Variants in SGCZ observed in about 807,000 individuals in gnomAD.
SGCZ encodes sarcoglycan zeta.
SGCZ carries 40 observed loss-of-function variants against 41.3 expected under a neutral mutation model. The ratio of observed to expected loss-of-function variants is 0.97; its 90% CI spans 0.75 to 1.26. SGCZ has a LOEUF of 1.26. Among genes scored for constraint, SGCZ ranks in the 50% most tolerant of loss-of-function variants. The probability of loss-of-function intolerance (pLI) is 0.00; values close to 1 mark genes in which losing one functional copy is unlikely to be tolerated. For synonymous variants in SGCZ, 206 were observed against 137.5 expected (o/e 1.50, Z -3.49); for missense variants, 552 against 369.8 (o/e 1.49, Z -4.04).
intron 1 of SGCZ, among the ~76,000 whole-genome samples, chr8:14,613,427 A>G (rs1319282845): frequency 6.6e-6 from 1 of 152,194 alleles, no homozygotes; most frequent in Non-Finnish European, 1.5e-5. Flanking sequence ...CTTAGATAAA[A>G]TCTATAAATC....
At chr8:15,019,883 G>A (rs1356640780) in intron 1 of SGCZ, among the ~76,000 whole-genome samples, 2 of 149,460 alleles carry the variant, frequency 1.3e-5, no homozygotes, top group African/African-American at 5.0e-5. Context: ...ACAGTTTTCT[G>A]GGTATTCAAG....
At chr8:14,096,221 A>T (rs1801841474) in intron 7 of SGCZ, among the ~76,000 whole-genome samples, 1 of 152,104 alleles carries the variant, frequency 6.6e-6, no homozygotes, top group Non-Finnish European at 1.5e-5. Flanking sequence ...CCCATTCCTT[A>T]TGACATTTGC....
rs559465694 is a variant in SGCZ, at chr8:14,142,328, A to G, written c.547+22252T>C. Among the ~76,000 whole-genome samples, 86 of 152,278 alleles carry G rather than the reference A, an allele frequency of 5.6e-4. 1 individual carries two copies. The South Asian group carries it at 0.014, about 24-fold the overall frequency. ...ACTTAGAGTATAATAAAAATTTAAAAAAAAAGAAATATGAAAACACATACA... is the reference window on the plus strand; with the variant it reads ...ACTTAGAGTATAATAAAAATTTAAAGAAAAAGAAATATGAAAACACATACA... On this transcript the variant is annotated intron_variant, in intron 5 of 7. Transcript: ENST00000382080.
intron 3 of SGCZ, among the ~76,000 whole-genome samples, chr8:14,246,116 G>T (rs949884690): frequency 6.8e-4 from 103 of 152,160 alleles, no homozygotes; most frequent in Middle Eastern, 3.2e-3. Flanking sequence ...CAAAGGATTA[G>T]AAATCATGCT....
At chr8:15,195,080 C>A (rs1330996582) in intron 1 of SGCZ, among the ~76,000 whole-genome samples, 6 of 151,938 alleles carry the variant, frequency 3.9e-5, no homozygotes, top group Non-Finnish European at 8.8e-5. Flanking sequence ...CAGTGAGGTT[C>A]TTAAATCAAG....
chr8:14,631,139 A>C (rs1806637892), intron 1 of SGCZ, among the ~76,000 whole-genome samples: 1 of 152,084 alleles, frequency 6.6e-6, no homozygotes, highest in African/African-American at 2.4e-5. Flanking sequence ...TAAGAAGAGT[A>C]CTATTCATTG....
At chr8:15,042,210 T>G (rs1352091003) in intron 1 of SGCZ, among the ~76,000 whole-genome samples, 1 of 152,162 alleles carries the variant, frequency 6.6e-6, no homozygotes, top group East Asian at 1.9e-4. Flanking sequence ...GTCAACCATG[T>G]GTAGACCAGC....
At chr8:14,311,363 G>A (rs1207204104) in intron 3 of SGCZ, among the ~76,000 whole-genome samples, 1 of 152,104 alleles carries the variant, frequency 6.6e-6, no homozygotes, top group Non-Finnish European at 1.5e-5. Context: ...TCATTCTGCA[G>A]CTGAAGTACT....
chr8:14,785,361 A>G (rs1800735305), intron 1 of SGCZ, among the ~76,000 whole-genome samples: 1 of 152,200 alleles, frequency 6.6e-6, no homozygotes, highest in Non-Finnish European at 1.5e-5. Flanking sequence ...AAAATAAAAC[A>G]CAGATGGAAA....
At chr8:14,928,830 C>G (rs1025810800) in intron 1 of SGCZ, among the ~76,000 whole-genome samples, 4 of 152,048 alleles carry the variant, frequency 2.6e-5, no homozygotes, top group African/African-American at 9.7e-5. Context: ...AGTATGCAGA[C>G]AAAATGTGTT....
In SGCZ at chr8:15,119,905, G is replaced by C. The variant is rs185342103; in HGVS notation, c.39+117680C>G. ...ACGCATTGTGGCCTCGAACTCCTGA[G>C]CTCAAGCCATCCTCTTGCTTCAGCC... On this transcript the variant is annotated intron_variant, in intron 1 of 7. Transcript: ENST00000382080. 1.4e-3 allele frequency among the ~76,000 whole-genome samples: 211 copies of C among 152,314 alleles called. 2 individuals are homozygous for C. Among genetic ancestry groups the C allele is most frequent in the African/African-American group, 4.8e-3 (198 of 41,570 alleles).
At chr8:14,950,098 T>A (rs1366848366) in intron 1 of SGCZ, among the ~76,000 whole-genome samples, 1 of 152,078 alleles carries the variant, frequency 6.6e-6, no homozygotes, top group Non-Finnish European at 1.5e-5. Flanking sequence ...AAAACAATCC[T>A]GAAATACTAA....
Position 14,531,753 on chromosome 8 carries a change from T to G in SGCZ, c.234+22979A>C, listed in dbSNP as rs533821990. On this transcript the variant is annotated intron_variant, in intron 2 of 7. Coordinates refer to ENST00000382080, the MANE Select transcript of SGCZ (RefSeq NM_139167.4). ...CCTACTAGTTTATTTTCTTTCCTAT[T>G]CAAATCCTAACCATATCCCAAACTT... 2.6e-5 allele frequency among the ~76,000 whole-genome samples: 4 copies of G among 152,236 alleles called. No individual in the cohort carries two copies. In the South Asian group the frequency reaches 8.3e-4, roughly 32 times the overall value.
chr8:15,135,466 T>C (rs1162010109), intron 1 of SGCZ, among the ~76,000 whole-genome samples: 2 of 152,216 alleles, frequency 1.3e-5, no homozygotes, highest in Non-Finnish European at 2.9e-5. Context: ...CAAAGTCACC[T>C]TGTCAAAAAG....
At chr8:15,191,256 C>G (rs1800528000) in intron 1 of SGCZ, among the ~76,000 whole-genome samples, 1 of 151,980 alleles carries the variant, frequency 6.6e-6, no homozygotes, top group African/African-American at 2.4e-5. Context: ...CTGAAAAATT[C>G]TAAATTTTCG....
intron 2 of SGCZ, among the ~76,000 whole-genome samples, chr8:14,499,323 T>G (rs1380251185): frequency 6.6e-6 from 1 of 152,076 alleles, no homozygotes; most frequent in Admixed American, 6.6e-5. Flanking sequence ...TAGTAGACAA[T>G]GTCTTAACTT....
At chr8:14,429,895 A>G (rs1377593321) in intron 2 of SGCZ, among the ~76,000 whole-genome samples, 2 of 152,054 alleles carry the variant, frequency 1.3e-5, no homozygotes, top group Non-Finnish European at 2.9e-5. Flanking sequence ...GGAAGTTTGC[A>G]TCTTTCCAGG....
At chr8:15,206,122 C>T (rs1801053903) in intron 1 of SGCZ, among the ~76,000 whole-genome samples, 1 of 152,112 alleles carries the variant, frequency 6.6e-6, no homozygotes, top group African/African-American at 2.4e-5. Flanking sequence ...GTAGAATAAA[C>T]CACCATGACA....
intron 1 of SGCZ, among the ~76,000 whole-genome samples, chr8:14,830,517 G>A (rs1030096420): frequency 2.0e-5 from 3 of 151,972 alleles, no homozygotes; most frequent in African/African-American, 7.2e-5. Context: ...GCTATTAATT[G>A]TATTGTTTAA....
Sources: allele counts gnomAD v4.1 joint callset (sites outside exome capture counted in the v4.1 genomes callset), GRCh38; gene constraint gnomAD v4.1.1; transcripts MANE v1.5; gene names NCBI Gene and HGNC (gene_info 2026-07-23, HGNC 2026-07-21).